SDK2: variants seen among roughly 807,000 people sequenced by gnomAD.
SDK2 encodes the protein protein sidekick-2.
Under a neutral mutation model 253.9 loss-of-function variants are expected in SDK2, and 105 were observed. The observed-to-expected ratio is 0.41, with a 90% CI of 0.35 to 0.49. SDK2 has a LOEUF of 0.49. Ranked by LOEUF, SDK2 falls within the 20% of genes least tolerant of loss-of-function variation. The pLI, the probability that SDK2 is intolerant of heterozygous loss-of-function variation, is 0.06. For missense variants in SDK2, 2,608 were observed against 3,003.0 expected (o/e 0.87, Z 3.07); for synonymous variants, 1,249 against 1,234.9 (o/e 1.01, Z -0.24).
intron 40 of SDK2, among the ~76,000 whole-genome samples, chr17:73,355,449 T>C (rs73343850): frequency 0.065 from 9,796 of 151,826 alleles, 972 homozygotes; most frequent in African/African-American, 0.21. Context: ...CGGGTTCTCC[T>C]GCCTTAGCCT....
At chr17:73,451,803 T>C (rs1397653234) in intron 4 of SDK2, among the ~76,000 whole-genome samples, 5 of 152,146 alleles carry the variant, frequency 3.3e-5, no homozygotes, top group African/African-American at 1.2e-4. Flanking sequence ...TGCTGTACTG[T>C]ACTGTACTGG....
intron 40 of SDK2, chr17:73,357,349 G>C (rs1388711801): frequency 6.5e-6 from 1 of 153,188 alleles, no homozygotes; most frequent in African/African-American, 2.4e-5. Flanking sequence ...TTTGCTATTT[G>C]GGCTAGAGCA....
At chr17:73,561,936 A>G (rs2045241128) in intron 1 of SDK2, among the ~76,000 whole-genome samples, 1 of 152,082 alleles carries the variant, frequency 6.6e-6, no homozygotes, top group Non-Finnish European at 1.5e-5. Context: ...GACCAGCCTG[A>G]TCAACATGGT....
chr17:73,630,491 T>A (rs1206090600), intron 1 of SDK2, among the ~76,000 whole-genome samples: 1 of 149,520 alleles, frequency 6.7e-6, no homozygotes, highest in Non-Finnish European at 1.5e-5. Flanking sequence ...ACCCCCAGGT[T>A]CCCCCAGGGC....
intron 1 of SDK2, among the ~76,000 whole-genome samples, chr17:73,562,926 T>C (rs904425268): frequency 2.6e-5 from 4 of 152,194 alleles, no homozygotes; most frequent in African/African-American, 4.8e-5. Flanking sequence ...GCACCAAGGC[T>C]GTAGGGCTGT....
chr17:73,450,852 G>A (rs1181579941), intron 4 of SDK2, among the ~76,000 whole-genome samples: 1 of 152,214 alleles, frequency 6.6e-6, no homozygotes, highest in Non-Finnish European at 1.5e-5. Context: ...GCCCTCACAG[G>A]GAAGAGTGAT....
At chr17:73,414,547 CAGAG>C (rs1490034965) in intron 18 of SDK2, 93 bp downstream of exon 18, 57 of 908,460 alleles carry the variant, frequency 6.3e-5, no homozygotes, top group Admixed American at 4.3e-4. Flanking sequence ...ACTTCAGAAA[CAGAG>C]GGGGGATTTC....
chr17:73,540,172 A>T (rs1905378), intron 1 of SDK2, among the ~76,000 whole-genome samples: 1 of 151,918 alleles, frequency 6.6e-6, no homozygotes, highest in South Asian at 2.1e-4. Flanking sequence ...GGCTGTCCCC[A>T]CTGGAAGCTG....
intron 1 of SDK2, among the ~76,000 whole-genome samples, chr17:73,598,491 C>T (rs2045791016): frequency 6.6e-6 from 1 of 152,168 alleles, no homozygotes; most frequent in Non-Finnish European, 1.5e-5. Flanking sequence ...GTGCCTGTCT[C>T]CCCTGGCTTC....
intron 1 of SDK2, among the ~76,000 whole-genome samples, chr17:73,523,604 G>A (rs1191491161): frequency 1.3e-5 from 2 of 152,080 alleles, no homozygotes; most frequent in South Asian, 2.1e-4. Flanking sequence ...ACCAGAAGAG[G>A]CAAGGATGGG....
At chr17:73,579,466 G>A (rs892080416) in intron 1 of SDK2, among the ~76,000 whole-genome samples, 1 of 152,114 alleles carries the variant, frequency 6.6e-6, no homozygotes, top group African/African-American at 2.4e-5. Flanking sequence ...TCCCTGAAGA[G>A]TCTCCCCGAC....
intron 12 of SDK2, among the ~76,000 whole-genome samples, chr17:73,429,435 G>A (rs2145604193): frequency 6.6e-6 from 1 of 152,290 alleles, no homozygotes; most frequent in Non-Finnish European, 1.5e-5. Context: ...TCTCAAACTG[G>A]GGCCGCTGAT....
At position 73,443,273 on chromosome 17, in the gene SDK2, A is replaced by C. The variant is rs1469157777; in HGVS notation, c.614-2350T>G. Among the ~76,000 whole-genome samples, 1 of 152,256 alleles carries C rather than the reference A, an allele frequency of 6.6e-6. No individual in the cohort carries two copies. The highest frequency in any genetic ancestry group is 1.5e-5 in the Non-Finnish European group (1 of 68,050). ...AATGCGCATAAAATGTAAAAAATAAAGTAAAATGAAGGGGGAAAGAAAGGA... is the reference window on the plus strand; with the variant it reads ...AATGCGCATAAAATGTAAAAAATAACGTAAAATGAAGGGGGAAAGAAAGGA... On this transcript the variant is annotated intron_variant, in intron 5 of 44. Transcript: ENST00000392650. The surrounding 1 kb of genome is among the most constrained non-coding windows in gnomAD (Gnocchi z 4.6).
At chr17:73,631,043 C>G (rs1469046010) in intron 1 of SDK2, among the ~76,000 whole-genome samples, 1 of 152,200 alleles carries the variant, frequency 6.6e-6, no homozygotes, top group East Asian at 1.9e-4. Flanking sequence ...GGACAGAGCT[C>G]TCCAGCCACC....
intron 15 of SDK2, among the ~76,000 whole-genome samples, chr17:73,419,731 A>AAAAAAAAC (rs2063213360): frequency 6.0e-5 from 1 of 16,712 alleles, no homozygotes; most frequent in African/African-American, 1.9e-4. Flanking sequence ...AAAAAAACCC[A>AAAAAAAAC]AAAAAACTCC....
Position 73,402,053 on chromosome 17 carries a change from A to G in SDK2, c.2573T>C (p.Val858Ala). The stretch of plus-strand genomic sequence containing the variant: ...CTCGGTGAACTTCTTCAGGCCAGAC[A>G]CGAAGCCCACGTGGATGCTGTCTTG... ...NFQDSIHVGF[V>A]SGLKKFTEYF... The change falls in exon 19 of 45, where the codon GTG becomes GCG. Residue 858 changes from valine to alanine, a missense_variant. Physicochemically the swap from Val to Ala is moderately conservative, Grantham distance 64. This residue lies in a region of SDK2 where 1,505 missense variants were observed against 1,859.1 expected (regional missense o/e 0.81). Transcript: ENST00000392650. 6.2e-7 allele frequency: 1 copy of G among 1,614,054 alleles called. No homozygotes were observed. Among genetic ancestry groups the G allele is most frequent in the Non-Finnish European group, 8.5e-7 (1 of 1,179,892 alleles).
chr17:73,474,490 C>A (rs184935375), intron 2 of SDK2, among the ~76,000 whole-genome samples: 1 of 152,230 alleles, frequency 6.6e-6, no homozygotes, highest in African/African-American at 2.4e-5. Context: ...CAACTGGCCA[C>A]GTGCCAAGTT....
chr17:73,383,730 G>T lies in SDK2; in HGVS notation c.4705+146C>A. The T allele has an allele frequency of 1.1e-6, 1 of 898,830 alleles. No individual in the cohort carries two copies. Among genetic ancestry groups the T allele is most frequent in the Non-Finnish European group, 1.7e-6 (1 of 583,150 alleles). 55.7% of individuals were successfully genotyped at this position (898,830 alleles called of 1,614,324 possible). A position where few individuals can be genotyped will look rare whatever the true frequency, so the allele number is the denominator to read the frequency against. On this transcript the variant is annotated intron_variant, in intron 33 of 44. Coordinates refer to ENST00000392650, the MANE Select transcript of SDK2 (RefSeq NM_001144952.2). The surrounding 1 kb of genome is among the most constrained non-coding windows in gnomAD (Gnocchi z 4.3). ...TAAATATTCAGTAAATGAATGAATG[G>T]GATGGGAGGAGGGAGAGGCACACAT...
At position 73,483,739 on chromosome 17, in the gene SDK2, C is replaced by T. The variant is rs1345947094; in HGVS notation, c.225-11521G>A. On this transcript the variant is annotated intron_variant, in intron 2 of 44. Transcript: ENST00000392650. ...TTTTTTTTTAGTAGAGTTGGGGTTT[C>T]ACCACGTTGGCCAGGCTGGTCTCAA... Among the ~76,000 whole-genome samples the T allele has an allele frequency of 2.4e-5, 3 of 125,580 alleles. No homozygotes were observed. In the East Asian group the frequency reaches 6.9e-4, roughly 29 times the overall value. The allele number at this position is 125,580 out of a possible 152,430, so 82.4% of individuals were successfully genotyped here. A position where few individuals can be genotyped will look rare whatever the true frequency, so the allele number is the denominator to read the frequency against.
Sources: allele counts gnomAD v4.1 joint callset (sites outside exome capture counted in the v4.1 genomes callset), GRCh38; gene constraint gnomAD v4.1.1; regional missense constraint gnomAD v4.1.1; non-coding constraint Gnocchi (gnomAD v3.1); transcripts MANE v1.5; gene names NCBI Gene and HGNC (gene_info 2026-07-23, HGNC 2026-07-21).